Variants in TTLL5 observed in about 807,000 individuals in gnomAD.
TTLL5 encodes tubulin polyglutamylase TTLL5.
A neutral mutation model predicts 168.4 loss-of-function variants in TTLL5; 132 were observed. The ratio of observed to expected loss-of-function variants is 0.78; its 90% CI spans 0.68 to 0.91. TTLL5 has a LOEUF of 0.91. Among genes scored for constraint, TTLL5 ranks in the 40% least tolerant of loss-of-function variants. TTLL5 has a pLI of 0.00. For missense variants in TTLL5, 1,545 were observed against 1,581.5 expected, an observed-to-expected ratio of 0.98 and a Z score of 0.39; for synonymous variants, 546 against 558.6, an observed-to-expected ratio of 0.98 and a Z score of 0.32.
intron 28 of TTLL5, among the ~76,000 whole-genome samples, chr14:75,839,684 C>T (rs1394898278): frequency 6.6e-6 from 1 of 152,134 alleles, no homozygotes; most frequent in Non-Finnish European, 1.5e-5. Flanking sequence ...CCCACCGGTC[C>T]CTCTCACAAC....
In TTLL5 at chr14:75,830,250, T is replaced by A. The variant is rs569978657; in HGVS notation, c.3326+10089T>A. Among the ~76,000 whole-genome samples, 20 of 152,314 alleles carry A rather than the reference T, an allele frequency of 1.3e-4. No homozygotes were observed. In the South Asian group the frequency reaches 4.1e-3, roughly 32 times the overall value. On this transcript the variant is annotated intron_variant, in intron 28 of 31. Coordinates refer to ENST00000298832, the MANE Select transcript of TTLL5 (RefSeq NM_015072.5). ...GAAAAACAAAAACAAAAACAAAAAT[T>A]GTGGCCTGATTTCCAAAGTGAGCAC...
At position 75,855,072 on chromosome 14, in the gene TTLL5, T is replaced by G. The variant is rs897355923; in HGVS notation, c.3327-8595T>G. The stretch of plus-strand genomic sequence containing the variant: ...TGATGTAAGTTATCTTTTTCAAGAT[T>G]GTTTTGACTAATATAGATTCTTTGA... On this transcript the variant is annotated intron_variant, in intron 28 of 31. Transcript: ENST00000298832. Among the ~76,000 whole-genome samples the G allele has an allele frequency of 2.0e-5, 3 of 151,796 alleles. No individual in the cohort carries two copies. In the East Asian group the frequency reaches 5.8e-4, roughly 29 times the overall value.
intron 30 of TTLL5, among the ~76,000 whole-genome samples, chr14:75,898,796 C>T (rs1175369680): frequency 1.3e-5 from 2 of 152,138 alleles, no homozygotes; most frequent in Admixed American, 6.5e-5. Context: ...AAGAGATAAC[C>T]TGTCAATCTC....
At chr14:75,859,681 GA>G (rs1373954266) in intron 28 of TTLL5, among the ~76,000 whole-genome samples, 1 of 152,104 alleles carries the variant, frequency 6.6e-6, no homozygotes, top group Admixed American at 6.5e-5. Flanking sequence ...AACATTATTA[GA>G]AAAATAGAAT....
chr14:75,766,040 ATT>A lies in TTLL5; in HGVS notation c.1709-21_1709-20del. The A allele has an allele frequency of 6.3e-7, 1 of 1,588,638 alleles. No homozygotes were observed. Among genetic ancestry groups the A allele is most frequent in the Non-Finnish European group, 8.6e-7 (1 of 1,167,622 alleles). The stretch of plus-strand genomic sequence containing the variant: ...AACATTTAATCCTTTTTTCAGCAAC[ATT>A]AGTGATTCTTCGTATTTAGTGATTA... On this transcript the variant is annotated intron_variant, in intron 19 of 31. Coordinates refer to ENST00000298832, the MANE Select transcript of TTLL5 (RefSeq NM_015072.5).
chr14:75,781,056 G>A (rs929398662), intron 24 of TTLL5, among the ~76,000 whole-genome samples: 3 of 152,136 alleles, frequency 2.0e-5, no homozygotes, highest in Admixed American at 1.3e-4. Context: ...GGCTAAGGGA[G>A]ACAAAGGAAT....
intron 31 of TTLL5, among the ~76,000 whole-genome samples, chr14:75,952,322 A>G (rs2034986669): frequency 6.6e-6 from 1 of 151,840 alleles, no homozygotes; most frequent in Non-Finnish European, 1.5e-5. Flanking sequence ...CAAAAAAAAG[A>G]AAAAGGAAAA....
chr14:75,753,818 A>G (rs528068443), intron 18 of TTLL5, among the ~76,000 whole-genome samples: 2 of 152,258 alleles, frequency 1.3e-5, no homozygotes, highest in South Asian at 2.1e-4. Context: ...CCTCCCCTCT[A>G]TGAAAACTTT....
In TTLL5 at chr14:75,776,743, G is replaced by C. The variant is rs1891745898; in HGVS notation, c.2284-4G>C. The C allele has an allele frequency of 3.1e-6, 5 of 1,612,560 alleles. No individual in the cohort carries two copies. Among genetic ancestry groups the C allele is most frequent in the African/African-American group, 1.3e-5 (1 of 74,864 alleles). Reference sequence around the variant, plus strand: ...TTTTTCTGTGGGGTTTGGGCACTGGGTAGGAAACAGAACAAATGGCTGAAA... The same window carrying C: ...TTTTTCTGTGGGGTTTGGGCACTGGCTAGGAAACAGAACAAATGGCTGAAA... On this transcript the variant is annotated splice_polypyrimidine_tract_variant and splice_region_variant and intron_variant, in intron 22 of 31. Coordinates refer to ENST00000298832, the MANE Select transcript of TTLL5 (RefSeq NM_015072.5).
chr14:75,813,136 T>C (rs576997190), intron 27 of TTLL5, among the ~76,000 whole-genome samples: 89 of 152,288 alleles, frequency 5.8e-4, no homozygotes, highest in African/African-American at 2.1e-3. Flanking sequence ...TCTACCTGTC[T>C]TGAAGACTAA....
chr14:75,886,769 C>G (rs202081823), intron 30 of TTLL5: 1 of 1,596,410 alleles, frequency 6.3e-7, no homozygotes, highest in South Asian at 1.1e-5. Flanking sequence ...GAACTGAGGA[C>G]GACAGCCTAC....
chr14:75,797,839 T>C (rs901864203), intron 27 of TTLL5, among the ~76,000 whole-genome samples: 34 of 152,004 alleles, frequency 2.2e-4, no homozygotes, highest in African/African-American at 8.2e-4. Context: ...ATTACTTGTG[T>C]AACAACCTAG....
intron 9 of TTLL5, chr14:75,710,093 T>C (rs756170030): frequency 6.6e-6 from 1 of 152,128 alleles, no homozygotes; most frequent in Admixed American, 6.5e-5. Flanking sequence ...AATTGGACTT[T>C]GGGAATAGAG....
At chr14:75,755,013 C>A (rs993722211) in intron 18 of TTLL5, among the ~76,000 whole-genome samples, 1 of 152,000 alleles carries the variant, frequency 6.6e-6, no homozygotes, top group African/African-American at 2.4e-5. Flanking sequence ...GCCTGTAATC[C>A]CAGCACTTTG....
intron 27 of TTLL5, among the ~76,000 whole-genome samples, chr14:75,805,546 TTC>T (rs1491029174): frequency 1.3e-5 from 2 of 151,738 alleles, no homozygotes; most frequent in Non-Finnish European, 2.9e-5. Context: ...ATCCTGGTAC[TTC>T]TCTATGGATT....
At position 75,776,787 on chromosome 14, in the gene TTLL5, T is replaced by G; in HGVS notation, c.2324T>G (p.Val775Gly). ...GCTGAAAAGAAATCAAAGAAGAAAG[T>G]TGAGGAAGAAGAGGAAGATGGGGTG... ...QMAEKKSKKK[V>G]EEEEEDGVNM... Residue 775 changes from valine to glycine, a missense_variant, in exon 23 of 32, where the codon GTT (valine) becomes GGT (glycine). Val to Gly is a moderately radical substitution (Grantham distance 109, BLOSUM62 -3). Transcript: ENST00000298832. 1 of 1,613,878 alleles carries G rather than the reference T, an allele frequency of 6.2e-7. No homozygotes were observed. Among genetic ancestry groups the G allele is most frequent in the Non-Finnish European group, 8.5e-7 (1 of 1,179,896 alleles).
At chr14:75,926,156 C>CTTT (rs34048806) in intron 31 of TTLL5, among the ~76,000 whole-genome samples, 733 of 29,838 alleles carry the variant, frequency 0.025, 165 homozygotes, top group African/African-American at 0.039. Flanking sequence ...GCAACCCCAG[C>CTTT]TTTTTTTTTT....
intron 31 of TTLL5, among the ~76,000 whole-genome samples, chr14:75,945,405 T>C (rs1166161740): frequency 6.6e-6 from 1 of 151,504 alleles, no homozygotes; most frequent in Non-Finnish European, 1.5e-5. Flanking sequence ...TACAGGTGCG[T>C]GCCACCATGC....
At chr14:75,743,456 C>CT (rs1410218520) in intron 15 of TTLL5, among the ~76,000 whole-genome samples, 1 of 151,136 alleles carries the variant, frequency 6.6e-6, no homozygotes, top group Admixed American at 6.6e-5. Flanking sequence ...CATTCTAAGT[C>CT]TTTTTTCTGT....
Sources: allele counts gnomAD v4.1 joint callset (sites outside exome capture counted in the v4.1 genomes callset), GRCh38; gene constraint gnomAD v4.1.1; transcripts MANE v1.5; gene names NCBI Gene and HGNC (gene_info 2026-07-23, HGNC 2026-07-21).